NRG1: variants seen among roughly 807,000 people sequenced by gnomAD.
NRG1 encodes the protein pro-neuregulin-1, membrane-bound isoform.
Under a neutral mutation model 63.8 loss-of-function variants are expected in NRG1, and 18 were observed. The observed-to-expected ratio is 0.28, with a 90% CI of 0.19 to 0.42. The LOEUF is 0.42. Among genes scored for constraint, NRG1 ranks in the 10% least tolerant of loss-of-function variants. The probability of loss-of-function intolerance (pLI) is 1.00; values close to 1 mark genes in which losing one functional copy is unlikely to be tolerated. For missense variants in NRG1, 762 were observed against 814.7 expected (o/e 0.94, Z 0.79); for synonymous variants, 302 against 301.3 (o/e 1.00, Z -0.02).
At chr8:32,093,497 C>T (rs1829486183) in intron 1 of NRG1, among the ~76,000 whole-genome samples, 1 of 152,206 alleles carries the variant, frequency 6.6e-6, no homozygotes, top group Non-Finnish European at 1.5e-5. Context: ...CTTCTCCTGG[C>T]AGCAGGAATA....
chr8:32,743,590 A>ATATATATATATATATG (rs1826860388), intron 7 of NRG1, among the ~76,000 whole-genome samples: 1 of 145,754 alleles, frequency 6.9e-6, no homozygotes, highest in Non-Finnish European at 1.5e-5. Context: ...ATATATATAT[A>ATATATATATATATATG]TATATAAAAC....
intron 1 of NRG1, among the ~76,000 whole-genome samples, chr8:32,047,721 A>C (rs993937921): frequency 6.6e-6 from 1 of 152,000 alleles, no homozygotes; most frequent in African/African-American, 2.4e-5. Context: ...GAAATGACTA[A>C]ATTTTATCAA....
At chr8:31,819,949 A>G (rs997787965) in intron 1 of NRG1, among the ~76,000 whole-genome samples, 1 of 152,194 alleles carries the variant, frequency 6.6e-6, no homozygotes, top group African/African-American at 2.4e-5. Context: ...CAAGTTTCTC[A>G]TCTTTACATT....
At chr8:32,322,443 A>C (rs1165920733) in intron 1 of NRG1, among the ~76,000 whole-genome samples, 1 of 151,840 alleles carries the variant, frequency 6.6e-6, no homozygotes, top group East Asian at 1.9e-4. Flanking sequence ...TAATTTATAA[A>C]TGTATTAAGA....
chr8:32,064,585 T>C (rs1001499727), intron 1 of NRG1, among the ~76,000 whole-genome samples: 3 of 152,174 alleles, frequency 2.0e-5, no homozygotes, highest in Non-Finnish European at 4.4e-5. Context: ...AAGTCTATTA[T>C]TAACAGCTTG....
At chr8:32,630,771 CTGT>C (rs968818774) in intron 5 of NRG1, among the ~76,000 whole-genome samples, 6 of 149,230 alleles carry the variant, frequency 4.0e-5, no homozygotes, top group African/African-American at 1.5e-4. Flanking sequence ...CTCATCCCTG[CTGT>C]TGTTAACATT....
chr8:32,208,927 C>A (rs188224921), intron 1 of NRG1, among the ~76,000 whole-genome samples: 31 of 152,026 alleles, frequency 2.0e-4, no homozygotes, highest in African/African-American at 7.0e-4. Context: ...CAATATTGTC[C>A]AAATTTTCAA....
At chr8:32,342,179 C>T (rs1804165256) in intron 1 of NRG1, among the ~76,000 whole-genome samples, 1 of 152,172 alleles carries the variant, frequency 6.6e-6, no homozygotes, top group African/African-American at 2.4e-5. Flanking sequence ...AACATGCACA[C>T]TCTGGGCAGA....
chr8:32,754,111 C>A (rs1829235146), intron 7 of NRG1, among the ~76,000 whole-genome samples: 1 of 152,118 alleles, frequency 6.6e-6, no homozygotes, highest in South Asian at 2.1e-4. Flanking sequence ...CTATATATAT[C>A]TCTATAGCTT....
At chr8:32,045,384 T>A (rs1820839153) in intron 1 of NRG1, among the ~76,000 whole-genome samples, 1 of 151,868 alleles carries the variant, frequency 6.6e-6, no homozygotes. Flanking sequence ...ACACTAAACT[T>A]GTTAAGCATG....
chr8:32,440,928 A>C (rs985901341), intron 1 of NRG1: 12 of 152,194 alleles, frequency 7.9e-5, no homozygotes, highest in African/African-American at 2.7e-4. Context: ...TTCACAAAGC[A>C]AAAAATTGAG....
At chr8:31,685,014 T>G (rs1808738842) in intron 1 of NRG1, among the ~76,000 whole-genome samples, 4 of 152,172 alleles carry the variant, frequency 2.6e-5, no homozygotes, top group African/African-American at 7.2e-5. Flanking sequence ...TGGATTAATC[T>G]CCTACGTATT....
intron 1 of NRG1, among the ~76,000 whole-genome samples, chr8:32,229,828 T>G (rs1846721232): frequency 6.6e-6 from 1 of 152,014 alleles, no homozygotes; most frequent in South Asian, 2.1e-4. Context: ...AGTTTAGAAT[T>G]CTCTAGACAC....
chr8:31,878,816 C>A (rs990458655), intron 1 of NRG1, among the ~76,000 whole-genome samples: 1 of 152,170 alleles, frequency 6.6e-6, no homozygotes, highest in Admixed American at 6.5e-5. Flanking sequence ...CCTCACCGTG[C>A]AGCTCTCTTC....
chr8:32,599,181 A>AT (rs1843884144), intron 2 of NRG1, among the ~76,000 whole-genome samples: 1 of 152,096 alleles, frequency 6.6e-6, no homozygotes, highest in Non-Finnish European at 1.5e-5. Flanking sequence ...ACTATTAATG[A>AT]TTTTTAATTA....
At position 32,443,839 on chromosome 8, in the gene NRG1, G is replaced by GGAA. The variant is rs147071685; in HGVS notation, c.38-151989_38-151988insGAA. Reference sequence around the variant, plus strand: ...TCTATTATGGAGTTTCTTAAAGAGAGAAAAAAAATGTATGGCTTTAGAAAA... The same window carrying GGAA: ...TCTATTATGGAGTTTCTTAAAGAGAGGAAAAAAAAAATGTATGGCTTTAGAAAA... On this transcript the variant is annotated intron_variant, in intron 1 of 10. Transcript: ENST00000519301. Among the ~76,000 whole-genome samples, 12 of 151,828 alleles carry GGAA rather than the reference G, an allele frequency of 7.9e-5. No homozygotes were observed. The South Asian group carries it at 2.3e-3, about 29-fold the overall frequency.
chr8:32,538,320 T>A (rs924016312), intron 1 of NRG1, among the ~76,000 whole-genome samples: 1 of 152,152 alleles, frequency 6.6e-6, no homozygotes, highest in Non-Finnish European at 1.5e-5. Context: ...CAATTAAACT[T>A]TTCAGAAATC....
At chr8:32,522,045 G>A (rs1332201724) in intron 1 of NRG1, among the ~76,000 whole-genome samples, 2 of 152,078 alleles carry the variant, frequency 1.3e-5, no homozygotes, top group South Asian at 2.1e-4. Context: ...TCGGCTTTTC[G>A]GCGACAAATC....
chr8:32,152,339 A>G (rs2131835437), intron 1 of NRG1, among the ~76,000 whole-genome samples: 1 of 152,320 alleles, frequency 6.6e-6, no homozygotes, highest in South Asian at 2.1e-4. Context: ...TTTTATTTTT[A>G]AAGAGTTTAT....
Sources: allele counts gnomAD v4.1 joint callset (sites outside exome capture counted in the v4.1 genomes callset), GRCh38; gene constraint gnomAD v4.1.1; transcripts MANE v1.5; gene names NCBI Gene and HGNC (gene_info 2026-07-23, HGNC 2026-07-21).